Variants in HNF1B observed in about 807,000 individuals in gnomAD.
HNF1B encodes the protein hepatocyte nuclear factor 1-beta.
Under a neutral mutation model 61.7 loss-of-function variants are expected in HNF1B, and 8 were observed. The observed-to-expected ratio is 0.13, with a 90% CI of 0.08 to 0.23. The LOEUF is 0.23. Among genes scored for constraint, HNF1B ranks in the 10% least tolerant of loss-of-function variants. The pLI is 1.00. For missense variants in HNF1B, 562 were observed against 714.5 expected, an observed-to-expected ratio of 0.79 and a Z score of 2.43; for synonymous variants, 314 against 287.7, an observed-to-expected ratio of 1.09 and a Z score of -0.93.
intron 8 of HNF1B, among the ~76,000 whole-genome samples, chr17:37,688,407 A>ACACACACACG (rs1555818421): frequency 5.3e-5 from 8 of 151,734 alleles, no homozygotes; most frequent in Non-Finnish European, 1.2e-4. Flanking sequence ...ACACACACAC[A>ACACACACACG]CACACACACA....
Position 37,701,150 on chromosome 17 carries a change from A to G in HNF1B, c.1367T>C (p.Val456Ala), listed in dbSNP as rs1329183189. The change falls in exon 7 of 9, where the codon GTC becomes GCC. Residue 456 changes from valine (V) to alanine (A), a missense_variant. Physicochemically the swap from Val to Ala is moderately conservative, Grantham distance 64. Transcript: ENST00000617811. Reference protein sequence around the residue: ...QSLNTSQAQSVPVINSVAGSL... With the variant: ...QSLNTSQAQSAPVINSVAGSL... ...GCCGGCCACACTGTTGATGACAGGGACACTCTGTGCTTGGGAGGTGTTGAG... is the reference window on the plus strand; with the variant it reads ...GCCGGCCACACTGTTGATGACAGGGGCACTCTGTGCTTGGGAGGTGTTGAG... 1 of 1,551,538 alleles carries G rather than the reference A, an allele frequency of 6.4e-7. No individual in the cohort carries two copies. Among genetic ancestry groups the G allele is most frequent in the Non-Finnish European group, 8.7e-7 (1 of 1,147,314 alleles).
intron 4 of HNF1B, among the ~76,000 whole-genome samples, chr17:37,712,770 C>T (rs912238083): frequency 6.6e-6 from 1 of 152,162 alleles, no homozygotes; most frequent in Non-Finnish European, 1.5e-5. Context: ...AGAATGCCTC[C>T]TCAACAGGAC....
At position 37,699,159 on chromosome 17, in the gene HNF1B, G is replaced by A. The variant is rs1480765857; in HGVS notation, c.1570C>T (p.His524Tyr). ...ATTGCAGATGGAAACCGGGAGGTGT[G>A]GGAATACTGGGGGGGTTCCTGCTTG... The part of the protein sequence containing the change: ...AHKQEPPQYS[H>Y]TSRFPSAMVV... The change falls in exon 8 of 9, where the codon CAC becomes TAC. Residue 524 changes from histidine to tyrosine, a missense_variant. Transcript: ENST00000617811. The A allele has an allele frequency of 6.2e-7, 1 of 1,614,116 alleles. No individual in the cohort carries two copies. The highest frequency in any genetic ancestry group is 8.5e-7 in the Non-Finnish European group (1 of 1,179,994).
intron 1 of HNF1B, among the ~76,000 whole-genome samples, chr17:37,743,428 G>A (rs1237347233): frequency 1.3e-5 from 2 of 152,214 alleles, no homozygotes; most frequent in African/African-American, 4.8e-5. Context: ...AAGTGTGTTT[G>A]GGGAAAAAAA....
At chr17:37,728,812 G>A (rs1204855594) in intron 4 of HNF1B, 1 of 152,786 alleles carries the variant, frequency 6.5e-6, no homozygotes, top group Non-Finnish European at 1.5e-5. Context: ...CATCCTGGCA[G>A]CCTGAGGTGG....
chr17:37,727,977 C>T (rs560196628), intron 4 of HNF1B, among the ~76,000 whole-genome samples: 7 of 151,894 alleles, frequency 4.6e-5, no homozygotes, highest in African/African-American at 1.5e-4. Flanking sequence ...CTCTCCTCAG[C>T]AACATGGAGT....
At chr17:37,703,056 C>G (rs1198400301) in intron 6 of HNF1B, among the ~76,000 whole-genome samples, 1 of 152,242 alleles carries the variant, frequency 6.6e-6, no homozygotes, top group African/African-American at 2.4e-5. Context: ...TTTGTTACCA[C>G]CTTCTCCACA....
At chr17:37,711,464 C>T (rs1158522690) in intron 4 of HNF1B, among the ~76,000 whole-genome samples, 2 of 152,198 alleles carry the variant, frequency 1.3e-5, no homozygotes, top group Non-Finnish European at 2.9e-5. Context: ...ATGTTTACAA[C>T]CTCGCTGCTC....
intron 4 of HNF1B, among the ~76,000 whole-genome samples, chr17:37,712,807 T>C (rs1177157687): frequency 2.0e-5 from 3 of 152,176 alleles, no homozygotes; most frequent in African/African-American, 7.2e-5. Flanking sequence ...GTAACATCTA[T>C]ACAGTTTCTT....
intron 4 of HNF1B, among the ~76,000 whole-genome samples, chr17:37,718,534 C>A (rs975305241): frequency 3.9e-5 from 6 of 152,160 alleles, no homozygotes; most frequent in African/African-American, 1.4e-4. Flanking sequence ...GTTGTTTGCA[C>A]CGCTCCTTGC....
At chr17:37,703,331 T>C (rs775037354) in intron 6 of HNF1B, among the ~76,000 whole-genome samples, 6 of 151,950 alleles carry the variant, frequency 3.9e-5, no homozygotes, top group Non-Finnish European at 8.8e-5. Context: ...CGTGAAATGA[T>C]AGAGAAATAT....
intron 5 of HNF1B, among the ~76,000 whole-genome samples, chr17:37,706,676 TAAA>T (rs35797632): frequency 1.5e-5 from 2 of 131,154 alleles, no homozygotes; most frequent in Non-Finnish European, 3.2e-5. Flanking sequence ...TACCAGTCAT[TAAA>T]AAAAAAAAAA....
At chr17:37,739,821 C>T (rs1428034547) in intron 1 of HNF1B, among the ~76,000 whole-genome samples, 182 bp from the exon 2 acceptor site, 5 of 152,080 alleles carry the variant, frequency 3.3e-5, no homozygotes, top group Middle Eastern at 3.2e-3. Flanking sequence ...GTGACTGCCC[C>T]TGTACGGTAC....
At chr17:37,706,203 C>T (rs2147461634) in intron 5 of HNF1B, among the ~76,000 whole-genome samples, 1 of 152,256 alleles carries the variant, frequency 6.6e-6, no homozygotes, top group South Asian at 2.1e-4. Flanking sequence ...AGGTTATGTG[C>T]CCACCTCAGC....
intron 8 of HNF1B, among the ~76,000 whole-genome samples, chr17:37,690,290 G>C (rs1261504905): frequency 6.6e-6 from 1 of 152,110 alleles, no homozygotes; most frequent in South Asian, 2.1e-4. Flanking sequence ...AAAGCTGAGC[G>C]GGTGATGGAG....
At position 37,743,723 on chromosome 17, in the gene HNF1B, G is replaced by T. The variant is rs188369780; in HGVS notation, c.344+818C>A. The stretch of plus-strand genomic sequence containing the variant: ...GGGCGGTCGGGGAGGACCCACAAAC[G>T]ATCCCGGCCCTGGGGATACACTGCC... On this transcript the variant is annotated intron_variant, in intron 1 of 8. Transcript: ENST00000617811. Among the ~76,000 whole-genome samples, 883 of 152,354 alleles carry T rather than the reference G, an allele frequency of 5.8e-3. 9 individuals carry two copies. Among genetic ancestry groups the T allele is most frequent in the African/African-American group, 0.02 (839 of 41,592 alleles).
chr17:37,695,936 T>G (rs1425865378), intron 8 of HNF1B, among the ~76,000 whole-genome samples: 1 of 152,180 alleles, frequency 6.6e-6, no homozygotes, highest in Non-Finnish European at 1.5e-5. Flanking sequence ...TTTCAGGGAC[T>G]AGTGGGAAGG....
chr17:37,704,267 G>A (rs1253559483), intron 6 of HNF1B, among the ~76,000 whole-genome samples: 1 of 152,208 alleles, frequency 6.6e-6, no homozygotes, highest in Non-Finnish European at 1.5e-5. Flanking sequence ...TGGAGCTGGA[G>A]GGACCTGATC....
rs1263484305 is a variant in HNF1B at position 37,704,946 on chromosome 17, G to C, written c.1310C>G (p.Pro437Arg). ...TGCAATTGCCATGACTCCAGAGAGG[G>C]GTGTCATGATGAGGTTTTGAGATTG... ...PQQSQNLIMT[P>R]LSGVMAIAQS... The change falls in exon 6 of 9, where the codon CCC (proline) becomes CGC (arginine). Residue 437 changes from proline to arginine, a missense_variant. Transcript: ENST00000617811. 1.2e-6 allele frequency: 2 copies of C among 1,613,972 alleles called. No individual in the cohort carries two copies. The highest frequency in any genetic ancestry group is 2.7e-5 in the African/African-American group (2 of 74,876).
Sources: allele counts gnomAD v4.1 joint callset (sites outside exome capture counted in the v4.1 genomes callset), GRCh38; gene constraint gnomAD v4.1.1; transcripts MANE v1.5; gene names NCBI Gene and HGNC (gene_info 2026-07-23, HGNC 2026-07-21).